The following COX15 variants were observed in gnomAD, a reference collection of about 807,000 sequenced individuals.
COX15 encodes the protein heme A synthase COX15.
In COX15, 51 loss-of-function variants were observed where a neutral mutation model predicts 51.9. The ratio of observed to expected loss-of-function variants is 0.98; its 90% CI spans 0.78 to 1.24. COX15 has a LOEUF of 1.24. COX15 is among the 50% of genes most tolerant of loss of function. The probability of loss-of-function intolerance (pLI) is 0.00; values close to 1 mark genes in which losing one functional copy is unlikely to be tolerated. For synonymous variants in COX15, 188 were observed against 190.5 expected (o/e 0.99, Z 0.11); for missense variants, 420 against 501.1 (o/e 0.84, Z 1.55).
chr10:99,729,805 C>T, intron 1 of COX15, 71 bp from the exon 2 acceptor site: 2 of 1,475,686 alleles, frequency 1.4e-6, no homozygotes, highest in Non-Finnish European at 1.9e-6. Context: ...CAACCCCATT[C>T]TGATTAGCGC....
chr10:99,725,795 C>A (rs140302376), intron 4 of COX15, among the ~76,000 whole-genome samples: 5 of 152,078 alleles, frequency 3.3e-5, no homozygotes, highest in Non-Finnish European at 4.4e-5. Flanking sequence ...CCTGATCCCC[C>A]ACCTTGGCTT....
rs1182703183 is a variant in COX15 at position 99,713,100 on chromosome 10, T to A, written c.*1487A>T. On this transcript the variant is annotated 3_prime_UTR_variant, in exon 9 of 9. Coordinates refer to ENST00000016171, the MANE Select transcript of COX15 (RefSeq NM_078470.6). ...AGAGTGAAATGCAGTATGTTAGGGG[T>A]ATTTTGACTATGGCTGTGACACTTC... 16 of 1,236,970 alleles carry A rather than the reference T, an allele frequency of 1.3e-5. No homozygotes were observed. The highest frequency in any genetic ancestry group is 3.6e-5 in the Admixed American group (1 of 27,492). 76.6% of individuals were successfully genotyped at this position (1,236,970 alleles called of 1,614,324 possible).
At chr10:99,697,962 A>C in the COX15 span, 1 of 156,192 alleles carries the variant, frequency 6.4e-6, no homozygotes, top group African/African-American at 2.4e-5. Context: ...TGGGAATCAA[A>C]GCTTTCCAGT....
chr10:99,713,027 T>G lies in COX15; in HGVS notation c.*1560A>C. The stretch of plus-strand genomic sequence containing the variant: ...GACTCATCATTCTGATCTCTTCTTC[T>G]GGATACACACTTAGTGGCCATCAAT... On this transcript the variant is annotated 3_prime_UTR_variant, in exon 9 of 9. Transcript: ENST00000016171. 8.7e-7 allele frequency: 1 copy of G among 1,143,792 alleles called. No individual in the cohort carries two copies. The highest frequency in any genetic ancestry group is 1.1e-6 in the Non-Finnish European group (1 of 924,316). 70.9% of individuals were successfully genotyped at this position (1,143,792 alleles called of 1,614,324 possible).
chr10:99,718,273 G>T, intron 7 of COX15, 73 bp downstream of exon 7: 1 of 1,523,366 alleles, frequency 6.6e-7, no homozygotes, highest in Non-Finnish European at 9.1e-7. Flanking sequence ...GTTGCCATCA[G>T]TGCTTCACTG....
chr10:99,702,420 A>G, the COX15 span: 2 of 1,155,130 alleles, frequency 1.7e-6, no homozygotes, highest in Non-Finnish European at 2.4e-6. Flanking sequence ...AGGTCTTTTA[A>G]TAACTTGTGG....
At chr10:99,702,614 C>T in the COX15 span, 2 of 1,613,766 alleles carry the variant, frequency 1.2e-6, no homozygotes, top group Non-Finnish European at 1.7e-6. Context: ...TGGTGTATGA[C>T]CGAGAGGTTC....
At chr10:99,699,723 C>A in the COX15 span, among the ~76,000 whole-genome samples, 1 of 152,102 alleles carries the variant, frequency 6.6e-6, no homozygotes, top group Admixed American at 6.5e-5. Flanking sequence ...CACCACCATG[C>A]CTGGCTAATT....
Position 99,729,607 on chromosome 10 carries a change from AGCCATCG to A in COX15, c.211_217del (p.Arg71SerfsTer17). On this transcript the variant is annotated frameshift_variant, in exon 2 of 9. Transcript: ENST00000016171. LOFTEE classifies it high-confidence loss of function. ...AGCCACTGTTCCACTGCAGACCAGG[AGCCATCG>A]GCCCACCACCCGCTCAGCAGCCTTT... 1 of 1,614,016 alleles carries A rather than the reference AGCCATCG, an allele frequency of 6.2e-7. No homozygotes were observed. The highest frequency in any genetic ancestry group is 8.5e-7 in the Non-Finnish European group (1 of 1,180,014).
At chr10:99,715,615 G>T (rs1451569146) in intron 8 of COX15, among the ~76,000 whole-genome samples, 1 of 151,068 alleles carries the variant, frequency 6.6e-6, no homozygotes, top group East Asian at 1.9e-4. Context: ...TGCCAGCCTG[G>T]GTGACAGAGT....
the COX15 span, chr10:99,702,727 G>A: frequency 6.7e-7 from 1 of 1,483,470 alleles, no homozygotes; most frequent in Admixed American, 2.5e-5. Flanking sequence ...ATCAGTTGAT[G>A]CCTCAGAATC....
At chr10:99,731,353 T>C (rs2037138154) in intron 1 of COX15, among the ~76,000 whole-genome samples, 2 of 152,212 alleles carry the variant, frequency 1.3e-5, no homozygotes, top group African/African-American at 2.4e-5. Flanking sequence ...CGCAAATGAA[T>C]AAACTGACTT....
rs2036448362 is a variant in COX15 at position 99,713,108 on chromosome 10, C to G, written c.*1479G>C. Reference sequence around the variant, plus strand: ...ATGCAGTATGTTAGGGGTATTTTGACTATGGCTGTGACACTTCTACTGATA... The same window carrying G: ...ATGCAGTATGTTAGGGGTATTTTGAGTATGGCTGTGACACTTCTACTGATA... On this transcript the variant is annotated 3_prime_UTR_variant, in exon 9 of 9. Coordinates refer to ENST00000016171, the MANE Select transcript of COX15 (RefSeq NM_078470.6). 1 of 1,251,854 alleles carries G rather than the reference C, an allele frequency of 8.0e-7. No homozygotes were observed. Among genetic ancestry groups the G allele is most frequent in the Non-Finnish European group, 1.0e-6 (1 of 987,044 alleles). The allele number at this position is 1,251,854 out of a possible 1,614,324, so 77.5% of individuals were successfully genotyped here. A position where few individuals can be genotyped will look rare whatever the true frequency, so the allele number is the denominator to read the frequency against.
the COX15 span, among the ~76,000 whole-genome samples, chr10:99,703,304 G>A: frequency 6.6e-6 from 1 of 152,172 alleles, no homozygotes; most frequent in South Asian, 2.1e-4. Context: ...TTTGATGTCT[G>A]TTCCTCTAAA....
the COX15 span, among the ~76,000 whole-genome samples, chr10:99,701,232 A>G: frequency 6.6e-6 from 1 of 152,152 alleles, no homozygotes; most frequent in Non-Finnish European, 1.5e-5. Flanking sequence ...TAGCAAAGCC[A>G]GAAGAAATCA....
intron 4 of COX15, among the ~76,000 whole-genome samples, chr10:99,724,397 G>A (rs1202544066): frequency 6.6e-6 from 1 of 152,052 alleles, no homozygotes; most frequent in Non-Finnish European, 1.5e-5. Flanking sequence ...TGGCCAGATG[G>A]TGTCAATCTC....
chr10:99,716,927 A>G (rs1235243914), intron 7 of COX15, among the ~76,000 whole-genome samples: 4 of 151,912 alleles, frequency 2.6e-5, no homozygotes, highest in African/African-American at 4.8e-5. Context: ...TTTCATTCCT[A>G]TCTCTTCAGA....
the COX15 span, chr10:99,698,583 C>G: frequency 5.0e-6 from 8 of 1,614,016 alleles, no homozygotes; most frequent in African/African-American, 1.3e-5. Context: ...ATTTCTGGAT[C>G]CCTGCCTGCC....
chr10:99,703,702 A>C, the COX15 span, among the ~76,000 whole-genome samples: 4 of 152,066 alleles, frequency 2.6e-5, no homozygotes, highest in Non-Finnish European at 5.9e-5. Context: ...GATCCTAAGG[A>C]AACATAGTAC....
Sources: allele counts gnomAD v4.1 joint callset (sites outside exome capture counted in the v4.1 genomes callset), GRCh38; gene constraint gnomAD v4.1.1; transcripts MANE v1.5; gene names NCBI Gene and HGNC (gene_info 2026-07-23, HGNC 2026-07-21).